The following ALS2CL variants were observed in gnomAD, a reference collection of about 807,000 sequenced individuals.
ALS2CL encodes ALS2 C-terminal like, also known as ALS2 C-terminal-like protein.
Under a neutral mutation model 127.9 loss-of-function variants are expected in ALS2CL, and 112 were observed. The observed-to-expected ratio is 0.88, with a 90% CI of 0.75 to 1.02. The LOEUF (loss-of-function observed/expected upper bound fraction) is 1.02, where lower values mean the gene tolerates loss of function less well. ALS2CL is among the 50% of genes least tolerant of loss of function. The pLI is 0.00. For missense variants in ALS2CL, 1,174 were observed against 1,236.7 expected, an observed-to-expected ratio of 0.95 and a Z score of 0.76; for synonymous variants, 519 against 527.6, an observed-to-expected ratio of 0.98 and a Z score of 0.22.
intron 23 of ALS2CL, 38 bp from the exon 24 acceptor site, chr3:46,672,071 G>T (rs761942059): frequency 1.2e-6 from 2 of 1,614,030 alleles, no homozygotes; most frequent in South Asian, 1.1e-5. Flanking sequence ...AAGGCCCTTG[G>T]TTCAGTCCCA....
At chr3:46,680,128 G>GA in intron 14 of ALS2CL, 1 of 375,790 alleles carries the variant, frequency 2.7e-6, no homozygotes, top group Non-Finnish European at 5.0e-6. Flanking sequence ...AGGACTCTGT[G>GA]AATGTCAGCT....
chr3:46,680,516 G>T lies in ALS2CL; in HGVS notation c.1462C>A (p.Gln488Lys), dbSNP rs545366741. 2.5e-6 allele frequency: 4 copies of T among 1,612,924 alleles called. No homozygotes were observed. The East Asian group carries it at 6.7e-5, about 27-fold the overall frequency. ...CCTGGGCCGTGGCGCTGACCAGCCT[G>T]CCACATGCCAATGTAGCGCTCACCT... The part of the protein sequence containing the change: ...DRGERYIGMW[Q>K]AGQRHGPGVM... The change falls in exon 14 of 26, where the codon CAG becomes AAG. Residue 488 changes from glutamine (Q) to lysine (K), a missense_variant. Physicochemically the swap from Gln to Lys is moderately conservative, Grantham distance 53. Transcript: ENST00000318962.
chr3:46,672,913 G>C (rs988336695), intron 22 of ALS2CL, among the ~76,000 whole-genome samples: 3 of 152,196 alleles, frequency 2.0e-5, no homozygotes, highest in Non-Finnish European at 4.4e-5. Flanking sequence ...GGCTGAGGCA[G>C]GTTAGTCACT....
rs1447496875 is a variant in ALS2CL at position 46,681,544 on chromosome 3, C to T, written c.1230G>A (p.Lys410=). The part of the protein sequence containing the change: ...QASEDKFDCY[K]CHWREGSMCG... ...ACATGCTGCCTTCTCGCCAGTGACACTTGTAACAGTCGAACTTGTCCTCAG... is the reference window on the plus strand; with the variant it reads ...ACATGCTGCCTTCTCGCCAGTGACATTTGTAACAGTCGAACTTGTCCTCAG... The change falls in exon 12 of 26, where the codon AAG becomes AAA. Residue 410 remains lysine, a synonymous_variant. Coordinates refer to ENST00000318962, the MANE Select transcript of ALS2CL (RefSeq NM_147129.5). The surrounding 1 kb of genome is among the most constrained non-coding windows in gnomAD (Gnocchi z 4.9). The T allele has an allele frequency of 7.4e-6, 12 of 1,614,058 alleles. No individual in the cohort carries two copies. The highest frequency in any genetic ancestry group is 1.0e-5 in the Non-Finnish European group (12 of 1,180,020).
chr3:46,690,992 G>T (rs1700115472), intron 1 of ALS2CL, among the ~76,000 whole-genome samples: 1 of 152,232 alleles, frequency 6.6e-6, no homozygotes, highest in African/African-American at 2.4e-5. Flanking sequence ...TGCTTCGAGA[G>T]GGTGAGGCTG....
At position 46,678,344 on chromosome 3, in the gene ALS2CL, C is replaced by A; in HGVS notation, c.1672G>T (p.Gly558Cys). ...PNGFTLEGSF[G>C]SGAGRGLHTQ... ...TGCAGTCCTCTCCCTGCCCCACTGC[C>A]GAACGAGCCCTCCAGGGTGAAGCCA... The change falls in exon 16 of 26, where the codon GGC becomes TGC. Residue 558 changes from glycine to cysteine, a missense_variant. By Grantham distance (159) the Gly-to-Cys change is radical. Coordinates refer to ENST00000318962, the MANE Select transcript of ALS2CL (RefSeq NM_147129.5). 1 of 1,613,426 alleles carries A rather than the reference C, an allele frequency of 6.2e-7. No individual in the cohort carries two copies. The highest frequency in any genetic ancestry group is 8.5e-7 in the Non-Finnish European group (1 of 1,179,610).
chr3:46,685,200 T>G (rs1258220114), intron 7 of ALS2CL, among the ~76,000 whole-genome samples: 1 of 152,224 alleles, frequency 6.6e-6, no homozygotes, highest in Non-Finnish European at 1.5e-5. Flanking sequence ...CTAAGAGTTG[T>G]CTGGTGTCTA....
intron 1 of ALS2CL, among the ~76,000 whole-genome samples, 199 bp from the exon 2 acceptor site, chr3:46,689,664 G>A (rs1390118370): frequency 6.6e-6 from 1 of 152,240 alleles, no homozygotes; most frequent in Non-Finnish European, 1.5e-5. Flanking sequence ...CAGCTGAGGG[G>A]TCCCTGAAGG....
rs1352593409 is a variant in ALS2CL at position 46,686,384 on chromosome 3, T to C, written c.590A>G (p.Gln197Arg). The C allele has an allele frequency of 1.9e-6, 3 of 1,613,792 alleles. No homozygotes were observed. The highest frequency in any genetic ancestry group is 2.5e-6 in the Non-Finnish European group (3 of 1,179,910). The change falls in exon 6 of 26, where the codon CAG (glutamine) becomes CGG (arginine). Residue 197 changes from glutamine to arginine, a missense_variant. By Grantham distance (43) the Gln-to-Arg change is conservative. Coordinates refer to ENST00000318962, the MANE Select transcript of ALS2CL (RefSeq NM_147129.5). This position sits in a 1 kb window ranked among gnomAD's most constrained non-coding sequence, Gnocchi z 4.3. The part of the protein sequence containing the change: ...VNAVTLFGNL[Q>R]SFMKQELDQA... ...GTCCAACTCCTGCTTCATGAAGGAC[T>C]GCAGGTTCCCAAAGAGGGTGACTGC...
rs571918231 is a variant in ALS2CL, at chr3:46,686,648, A to G, written c.535-209T>C. 1.1e-4 allele frequency among the ~76,000 whole-genome samples: 16 copies of G among 152,122 alleles called. No individual in the cohort carries two copies. The South Asian group carries it at 3.1e-3, about 30-fold the overall frequency. On this transcript the variant is annotated intron_variant, in intron 5 of 25. Coordinates refer to ENST00000318962, the MANE Select transcript of ALS2CL (RefSeq NM_147129.5). This position sits in a 1 kb window ranked among gnomAD's most constrained non-coding sequence, Gnocchi z 4.3. Reference sequence around the variant, plus strand: ...GGGCCCACGTGTCCTCATTCCCAGGACGTGATTCTACCCCTGCTCTCTGGG... The same window carrying G: ...GGGCCCACGTGTCCTCATTCCCAGGGCGTGATTCTACCCCTGCTCTCTGGG...
intron 16 of ALS2CL, among the ~76,000 whole-genome samples, chr3:46,677,996 G>A (rs9849060): frequency 0.45 from 48,025 of 107,570 alleles, 9,413 homozygotes; most frequent in South Asian, 0.48. Flanking sequence ...GTATCCTTTC[G>A]AGACAAAAAA....
chr3:46,675,101 C>T (rs1176322773), intron 20 of ALS2CL: 2 of 228,522 alleles, frequency 8.8e-6, no homozygotes, highest in Non-Finnish European at 1.7e-5. Context: ...GGACTCCGGG[C>T]GGGGAATCCT....
chr3:46,688,052 C>G, intron 3 of ALS2CL, 46 bp downstream of exon 3: 1 of 1,587,598 alleles, frequency 6.3e-7, no homozygotes, highest in Non-Finnish European at 8.6e-7. Flanking sequence ...CCAGGTGTCA[C>G]TCTGACACCA....
chr3:46,682,886 G>A (rs1699462802), intron 10 of ALS2CL, among the ~76,000 whole-genome samples: 1 of 152,242 alleles, frequency 6.6e-6, no homozygotes, highest in South Asian at 2.1e-4. Context: ...CCTGCAGGCT[G>A]TAAGGCCAGC....
In ALS2CL at chr3:46,670,828, C is replaced by A; in HGVS notation, c.*156G>T. 1 of 746,036 alleles carries A rather than the reference C, an allele frequency of 1.3e-6. No individual in the cohort carries two copies. Among genetic ancestry groups the A allele is most frequent in the Non-Finnish European group, 2.2e-6 (1 of 449,494 alleles). 46.2% of individuals were successfully genotyped at this position (746,036 alleles called of 1,614,324 possible). A position where few individuals can be genotyped will look rare whatever the true frequency, so the allele number is the denominator to read the frequency against. ...CACCCGTCACCCCTCACCCTCATCC[C>A]AGTCAGGGCAGCAGCAGCATCTTCC... On this transcript the variant is annotated 3_prime_UTR_variant, in exon 26 of 26. Coordinates refer to ENST00000318962, the MANE Select transcript of ALS2CL (RefSeq NM_147129.5). This position sits in a 1 kb window ranked among gnomAD's most constrained non-coding sequence, Gnocchi z 5.5.
chr3:46,685,450 C>G, intron 7 of ALS2CL, 75 bp downstream of exon 7: 1 of 1,580,632 alleles, frequency 6.3e-7, no homozygotes, highest in Admixed American at 1.7e-5. Context: ...CAGCATGCCC[C>G]TTTACTGCTC....
At chr3:46,689,605 G>T in intron 1 of ALS2CL, 140 bp from the exon 2 acceptor site, 1 of 594,932 alleles carries the variant, frequency 1.7e-6, no homozygotes, top group Non-Finnish European at 2.9e-6. Context: ...GCCTCAAAGG[G>T]GAGTTCCTGG....
chr3:46,675,487 C>G (rs1698738868), intron 20 of ALS2CL, 131 bp downstream of exon 20: 1 of 855,900 alleles, frequency 1.2e-6, no homozygotes, highest in African/African-American at 1.7e-5. Context: ...GATCAATGCA[C>G]AATGTTTGGT....
In ALS2CL at chr3:46,680,516, G is replaced by A. The variant is rs545366741; in HGVS notation, c.1462C>T (p.Gln488Ter). Reference sequence around the variant, plus strand: ...CCTGGGCCGTGGCGCTGACCAGCCTGCCACATGCCAATGTAGCGCTCACCT... The same window carrying A: ...CCTGGGCCGTGGCGCTGACCAGCCTACCACATGCCAATGTAGCGCTCACCT... ...DRGERYIGMWQAGQRHGPGVM... is the reference protein window; with the variant it reads ...DRGERYIGMW The change falls in exon 14 of 26, where the codon CAG (glutamine) becomes TAG (stop). Residue 488 changes from glutamine to a stop codon, truncating the protein, a stop_gained. Coordinates refer to ENST00000318962, the MANE Select transcript of ALS2CL (RefSeq NM_147129.5). LOFTEE classifies it high-confidence loss of function. The A allele has an allele frequency of 3.1e-6, 5 of 1,612,924 alleles. No individual in the cohort carries two copies. The African/African-American group carries it at 5.3e-5, about 17-fold the overall frequency.
Sources: gnomAD v4.1 joint callset for allele counts (sites outside exome capture counted in the v4.1 genomes callset) on GRCh38, gnomAD v4.1.1 for gene constraint, Gnocchi (gnomAD v3.1) non-coding constraint, MANE v1.5 for transcripts, NCBI Gene and HGNC (gene_info 2026-07-23, HGNC 2026-07-21) for gene names.